The following FBXW7 variants were observed in gnomAD, a reference collection of about 807,000 sequenced individuals.
FBXW7 encodes F-box and WD repeat domain containing 7.
In FBXW7, 11 loss-of-function variants were observed where a neutral mutation model predicts 86.3. The observed-to-expected ratio is 0.13, with a 90% CI of 0.08 to 0.21. The LOEUF (loss-of-function observed/expected upper bound fraction) is 0.21. Ranked by LOEUF, FBXW7 falls within the 10% of genes least tolerant of loss-of-function variation. The probability of loss-of-function intolerance (pLI) is 1.00; values close to 1 mark genes in which losing one functional copy is unlikely to be tolerated. For missense variants in FBXW7, 488 were observed against 847.4 expected (o/e 0.58, Z 5.27); for synonymous variants, 313 against 297.9 (o/e 1.05, Z -0.52).
chr4:152,470,227 G>A (rs1743826057), intron 2 of FBXW7, among the ~76,000 whole-genome samples: 1 of 151,926 alleles, frequency 6.6e-6, no homozygotes, highest in South Asian at 2.1e-4. Context: ...GAATTATAAA[G>A]ACATTGGCTG....
chr4:152,320,812 C>T lies in FBXW7; in HGVS notation c.*2069G>A, dbSNP rs548080134. On this transcript the variant is annotated 3_prime_UTR_variant, in exon 14 of 14. Coordinates refer to ENST00000281708, the MANE Select transcript of FBXW7 (RefSeq NM_001349798.2). ...CCAGTCTCAGCTGCAGATTTTTGCT[C>T]GTCTTTAAGATGGGAGATAATAGTG... 1 of 152,094 alleles carries T rather than the reference C, an allele frequency of 6.6e-6. No individual in the cohort carries two copies. Among genetic ancestry groups the T allele is most frequent in the South Asian group, 2.1e-4 (1 of 4,820 alleles). 9.4% of individuals were successfully genotyped at this position (152,094 alleles called of 1,614,324 possible). A position where few individuals can be genotyped will look rare whatever the true frequency, so the allele number is the denominator to read the frequency against.
At chr4:152,429,251 C>T (rs1451018395) in intron 2 of FBXW7, among the ~76,000 whole-genome samples, 2 of 151,918 alleles carry the variant, frequency 1.3e-5, no homozygotes, top group Admixed American at 6.6e-5. Flanking sequence ...AGTTTTTGGG[C>T]GTGGGGAAGA....
intron 4 of FBXW7, among the ~76,000 whole-genome samples, chr4:152,389,307 C>A (rs1560838109): frequency 6.6e-6 from 1 of 151,948 alleles, no homozygotes; most frequent in Non-Finnish European, 1.5e-5. Context: ...GAAAAGAAAT[C>A]ATTATTTTAA....
At chr4:152,368,599 A>C (rs921708656) in intron 4 of FBXW7, among the ~76,000 whole-genome samples, 2 of 152,118 alleles carry the variant, frequency 1.3e-5, no homozygotes, top group African/African-American at 4.8e-5. Flanking sequence ...CATTTTGACA[A>C]GACAGTTTTC....
chr4:152,421,101 A>C (rs1485186708), intron 2 of FBXW7, among the ~76,000 whole-genome samples: 1 of 152,116 alleles, frequency 6.6e-6, no homozygotes, highest in East Asian at 1.9e-4. Context: ...AACATGCTGC[A>C]GCAGCTTCTC....
At chr4:152,489,776 A>T (rs1011422020) in intron 2 of FBXW7, among the ~76,000 whole-genome samples, 1 of 151,916 alleles carries the variant, frequency 6.6e-6, no homozygotes, top group Non-Finnish European at 1.5e-5. Flanking sequence ...TCTTCTTCTG[A>T]GCACTGTCTT....
intron 2 of FBXW7, among the ~76,000 whole-genome samples, chr4:152,509,387 A>G (rs1747752178): frequency 6.6e-6 from 1 of 152,132 alleles, no homozygotes; most frequent in African/African-American, 2.4e-5. Flanking sequence ...AAAAGGTGAA[A>G]CCACCAATCA....
chr4:152,401,470 T>C (rs976668936), intron 4 of FBXW7, among the ~76,000 whole-genome samples: 1 of 152,174 alleles, frequency 6.6e-6, no homozygotes, highest in Non-Finnish European at 1.5e-5. Context: ...TCCAACTATA[T>C]GACATTCTGG....
At position 152,323,989 on chromosome 4, in the gene FBXW7, C is replaced by T. The variant is rs1728783643; in HGVS notation, c.1855+195G>A. On this transcript the variant is annotated intron_variant, in intron 13 of 13. Coordinates refer to ENST00000281708, the MANE Select transcript of FBXW7 (RefSeq NM_001349798.2). Reference sequence around the variant, plus strand: ...GAAGTGATTAAACAATTTTATATTACATATTAAAAACACAGTTTAAAACAT... The same window carrying T: ...GAAGTGATTAAACAATTTTATATTATATATTAAAAACACAGTTTAAAACAT... 8.2e-5 allele frequency: 46 copies of T among 557,852 alleles called. 2 individuals are homozygous for T. In the South Asian group the frequency reaches 1.0e-3, roughly 12 times the overall value. The allele number at this position is 557,852 out of a possible 1,614,324, so 34.6% of individuals were successfully genotyped here.
intron 6 of FBXW7, among the ~76,000 whole-genome samples, chr4:152,341,483 A>C (rs1730733470): frequency 6.6e-6 from 1 of 152,246 alleles, no homozygotes; most frequent in South Asian, 2.1e-4. Context: ...TGTAGGTTTC[A>C]GGAAAAAGTG....
At chr4:152,373,872 G>A (rs74645433) in intron 4 of FBXW7, among the ~76,000 whole-genome samples, 3,045 of 152,088 alleles carry the variant, frequency 0.02, 39 homozygotes, top group Admixed American at 0.037. Flanking sequence ...ACAGCACAGA[G>A]AATGCAAAGA....
At chr4:152,390,326 T>C (rs923127751) in intron 4 of FBXW7, among the ~76,000 whole-genome samples, 3 of 152,114 alleles carry the variant, frequency 2.0e-5, no homozygotes, top group Non-Finnish European at 4.4e-5. Context: ...CTGAATTTTC[T>C]AAGTATTTCA....
chr4:152,495,170 C>T (rs1444729498), intron 2 of FBXW7, among the ~76,000 whole-genome samples: 7 of 152,130 alleles, frequency 4.6e-5, no homozygotes, highest in East Asian at 1.9e-4. Context: ...TGGTGACTCA[C>T]GTCTGTAATC....
Position 152,326,088 on chromosome 4 carries a change from A to G in FBXW7, c.1562T>C (p.Phe521Ser). 1 of 1,613,312 alleles carries G rather than the reference A, an allele frequency of 6.2e-7. No individual in the cohort carries two copies. The highest frequency in any genetic ancestry group is 8.5e-7 in the Non-Finnish European group (1 of 1,179,530). Residue 521 changes from phenylalanine to serine, a missense_variant, in exon 12 of 14, where the codon TTT becomes TCT. Coordinates refer to ENST00000281708, the MANE Select transcript of FBXW7 (RefSeq NM_001349798.2). ...CTCTGGATCCCACACCTTTACCATA[A>G]AATCATATGCTCCACTAACAACCCT... is the stretch of plus-strand genomic sequence containing the variant. ...GRRVVSGAYD[F>S]MVKVWDPETE...
At chr4:152,521,089 A>G (rs1207844957) in intron 2 of FBXW7, among the ~76,000 whole-genome samples, 1 of 152,204 alleles carries the variant, frequency 6.6e-6, no homozygotes, top group Non-Finnish European at 1.5e-5. Context: ...AACATACTAT[A>G]TGTCTACAAT....
intron 2 of FBXW7, among the ~76,000 whole-genome samples, chr4:152,465,790 G>A (rs1032528864): frequency 8.1e-5 from 12 of 148,906 alleles, no homozygotes; most frequent in Admixed American, 4.7e-4. Context: ...GTTGCAGTGA[G>A]CCAAGATCAT....
At chr4:152,350,605 C>G (rs1426468951) in intron 4 of FBXW7, among the ~76,000 whole-genome samples, 1 of 151,444 alleles carries the variant, frequency 6.6e-6, no homozygotes, top group African/African-American at 2.4e-5. Context: ...ACACTCATAC[C>G]ATTATAAGAG....
intron 2 of FBXW7, among the ~76,000 whole-genome samples, chr4:152,432,335 A>C (rs910490057): frequency 6.6e-6 from 1 of 152,234 alleles, no homozygotes; most frequent in Non-Finnish European, 1.5e-5. Context: ...AAAGAAAAGA[A>C]GACAAGAGCA....
chr4:152,448,350 A>C (rs1741597113), intron 2 of FBXW7, among the ~76,000 whole-genome samples: 1 of 152,242 alleles, frequency 6.6e-6, no homozygotes, highest in African/African-American at 2.4e-5. Flanking sequence ...AAAACTGCTA[A>C]GAACATCTTT....
Sources: allele counts gnomAD v4.1 joint callset (sites outside exome capture counted in the v4.1 genomes callset), GRCh38; gene constraint gnomAD v4.1.1; transcripts MANE v1.5; gene names NCBI Gene and HGNC (gene_info 2026-07-23, HGNC 2026-07-21).